The following SCHIP1 variants were observed in gnomAD, a reference collection of about 807,000 sequenced individuals.
The protein encoded by SCHIP1 is schwannomin interacting protein 1.
In SCHIP1, 8 loss-of-function variants were observed where a neutral mutation model predicts 29.7. That is an observed-to-expected ratio of 0.27 (90% CI 0.16 to 0.49). The LOEUF (loss-of-function observed/expected upper bound fraction) is 0.49. SCHIP1 is among the 20% of genes least tolerant of loss of function. SCHIP1 has a pLI of 0.99. For missense variants in SCHIP1, 193 were observed against 294.6 expected, an observed-to-expected ratio of 0.66 and a Z score of 2.52; for synonymous variants, 76 against 94.9, an observed-to-expected ratio of 0.80 and a Z score of 1.16.
chr3:159,366,238 C>G, the SCHIP1 span, among the ~76,000 whole-genome samples: 1 of 152,120 alleles, frequency 6.6e-6, no homozygotes, highest in African/African-American at 2.4e-5. Context: ...GGTATGAACT[C>G]AGAGCGAGAG....
At chr3:159,892,491 C>G in intron 6 of SCHIP1, 1 of 550,706 alleles carries the variant, frequency 1.8e-6, no homozygotes, top group Non-Finnish European at 3.2e-6. Context: ...GGACTGTCCC[C>G]TGGGAAGCTG....
chr3:159,402,629 T>G, the SCHIP1 span, among the ~76,000 whole-genome samples: 1 of 152,110 alleles, frequency 6.6e-6, no homozygotes, highest in East Asian at 1.9e-4. Context: ...ATGTCCTTTG[T>G]AGGGACATGG....
At chr3:159,708,107 C>A in the SCHIP1 span, among the ~76,000 whole-genome samples, 3 of 152,306 alleles carry the variant, frequency 2.0e-5, no homozygotes, top group Non-Finnish European at 4.4e-5. Flanking sequence ...ACAAAGTGGG[C>A]CTGAGTCTTC....
the SCHIP1 span, among the ~76,000 whole-genome samples, chr3:159,452,822 G>A: frequency 1.4e-5 from 2 of 141,268 alleles, no homozygotes; most frequent in African/African-American, 6.0e-5. Flanking sequence ...GTTGTTTCCT[G>A]TCTGAAAACA....
the SCHIP1 span, among the ~76,000 whole-genome samples, chr3:159,794,716 G>A: frequency 6.6e-6 from 1 of 152,168 alleles, no homozygotes; most frequent in African/African-American, 2.4e-5. Context: ...CTTCCCCAGA[G>A]TGCCAAAGGG....
At chr3:159,533,482 T>A in the SCHIP1 span, among the ~76,000 whole-genome samples, 18 of 152,268 alleles carry the variant, frequency 1.2e-4, no homozygotes, top group Non-Finnish European at 2.2e-4. Flanking sequence ...TATTTTGGGT[T>A]TTTTTCTCAC....
chr3:159,449,372 C>A, the SCHIP1 span, among the ~76,000 whole-genome samples: 1 of 152,036 alleles, frequency 6.6e-6, no homozygotes, highest in African/African-American at 2.4e-5. Flanking sequence ...CAAGGAATAG[C>A]GTATTTTCTT....
At chr3:159,536,195 T>A in the SCHIP1 span, among the ~76,000 whole-genome samples, 44 of 152,002 alleles carry the variant, frequency 2.9e-4, no homozygotes, top group African/African-American at 1.0e-3. Flanking sequence ...AACTAGCAAG[T>A]TTTTCACAGA....
At chr3:159,750,263 G>A in the SCHIP1 span, among the ~76,000 whole-genome samples, 1,477 of 24,234 alleles carry the variant, frequency 0.061, 27 homozygotes, top group African/African-American at 0.17. Context: ...ATGTGTGTGT[G>A]TATATATATA....
the SCHIP1 span, among the ~76,000 whole-genome samples, chr3:159,428,746 C>T: frequency 3.3e-5 from 5 of 151,926 alleles, no homozygotes; most frequent in Non-Finnish European, 5.9e-5. Context: ...CAGATACACA[C>T]GTATGTTTAT....
At chr3:159,764,810 C>G in the SCHIP1 span, 102 of 1,580,624 alleles carry the variant, frequency 6.5e-5, no homozygotes, top group Admixed American at 1.3e-3. The surrounding 1 kb of genome is among the most constrained non-coding windows in gnomAD (Gnocchi z 6.1). Context: ...ACCGCCATGC[C>G]GCCCCCGGTG....
intron 1 of SCHIP1, among the ~76,000 whole-genome samples, chr3:159,864,336 A>G (rs1201660948): frequency 1.3e-5 from 2 of 151,950 alleles, no homozygotes; most frequent in Admixed American, 6.6e-5. Context: ...TCCCTCCATA[A>G]CCTTATGGTT....
At chr3:159,553,812 G>T in the SCHIP1 span, among the ~76,000 whole-genome samples, 1 of 151,712 alleles carries the variant, frequency 6.6e-6, no homozygotes, top group African/African-American at 2.4e-5. Flanking sequence ...TTGGTTTTTT[G>T]TTTTTTGAGA....
At chr3:159,553,824 G>T in the SCHIP1 span, among the ~76,000 whole-genome samples, 1 of 151,654 alleles carries the variant, frequency 6.6e-6, no homozygotes. Flanking sequence ...TTTTTGAGAC[G>T]GAGTCTCACT....
At chr3:159,617,250 T>C in the SCHIP1 span, among the ~76,000 whole-genome samples, 2 of 152,186 alleles carry the variant, frequency 1.3e-5, no homozygotes, top group Non-Finnish European at 2.9e-5. Flanking sequence ...CTTTGGCATG[T>C]TGAGTGTTTT....
At chr3:159,298,234 C>A in the SCHIP1 span, among the ~76,000 whole-genome samples, 2 of 152,094 alleles carry the variant, frequency 1.3e-5, no homozygotes. Context: ...ATTTTTCTTC[C>A]CCCAATTTAC....
the SCHIP1 span, among the ~76,000 whole-genome samples, chr3:159,504,219 T>C: frequency 6.6e-6 from 1 of 152,268 alleles, no homozygotes; most frequent in Non-Finnish European, 1.5e-5. Flanking sequence ...TAAAATCCTG[T>C]TATAGGAAAC....
chr3:159,669,154 A>G, the SCHIP1 span, among the ~76,000 whole-genome samples: 1 of 152,302 alleles, frequency 6.6e-6, no homozygotes, highest in Non-Finnish European at 1.5e-5. Flanking sequence ...CTGGAAAAGG[A>G]TATTAATAAG....
chr3:159,354,725 T>G, the SCHIP1 span, among the ~76,000 whole-genome samples: 2 of 152,110 alleles, frequency 1.3e-5, no homozygotes, highest in African/African-American at 2.4e-5. Context: ...CTAAGAGAAC[T>G]AGGAGGGTTA....
Sources: gnomAD v4.1 joint callset for allele counts (sites outside exome capture counted in the v4.1 genomes callset) on GRCh38, gnomAD v4.1.1 for gene constraint, Gnocchi (gnomAD v3.1) non-coding constraint, MANE v1.5 for transcripts, NCBI Gene and HGNC (gene_info 2026-07-23, HGNC 2026-07-21) for gene names.